The following HEPACAM2 variants were observed in gnomAD, a reference collection of about 807,000 sequenced individuals.
The protein encoded by HEPACAM2 is HEPACAM family member 2, also known as mitotic kinetics regulator.
HEPACAM2 carries 49 observed loss-of-function variants against 49.6 expected under a neutral mutation model. The observed-to-expected ratio is 0.99, with a 90% CI of 0.78 to 1.25. The LOEUF (loss-of-function observed/expected upper bound fraction) is 1.25. Among genes scored for constraint, HEPACAM2 ranks in the 50% most tolerant of loss-of-function variants. The pLI is 0.00. For synonymous variants in HEPACAM2, 197 were observed against 202.9 expected (o/e 0.97, Z 0.25); for missense variants, 525 against 557.2 (o/e 0.94, Z 0.58).
At chr7:93,215,227 A>T (rs767616598) in intron 3 of HEPACAM2, among the ~76,000 whole-genome samples, 174 bp downstream of exon 3, 8 of 152,174 alleles carry the variant, frequency 5.3e-5, no homozygotes, top group Non-Finnish European at 1.2e-4. Context: ...GGATTGTGCT[A>T]GCAGACATAT....
intron 1 of HEPACAM2, among the ~76,000 whole-genome samples, chr7:93,221,350 T>G (rs559253502): frequency 6.6e-6 from 1 of 152,342 alleles, no homozygotes; most frequent in East Asian, 1.9e-4. Flanking sequence ...GATTTCATTC[T>G]ACTAGAAAGG....
intron 4 of HEPACAM2, among the ~76,000 whole-genome samples, chr7:93,202,950 A>T (rs567215840): frequency 5.9e-5 from 9 of 152,198 alleles, no homozygotes; most frequent in African/African-American, 2.2e-4. Context: ...TACTAAAATG[A>T]CCTAATTTGC....
In HEPACAM2 at chr7:93,197,400, AAAATC is replaced by A; in HGVS notation, c.1139-8_1139-4del. ...GCCTTCTAGTTTCTGTTTTATAACT[AAAATC>A]AAGAGAGAAGAAAAATGGTAAGGTT... On this transcript the variant is annotated splice_region_variant and splice_polypyrimidine_tract_variant and intron_variant, in intron 5 of 9. Coordinates refer to ENST00000394468, the MANE Select transcript of HEPACAM2 (RefSeq NM_001039372.4). 2 of 1,596,464 alleles carry A rather than the reference AAAATC, an allele frequency of 1.3e-6. No individual in the cohort carries two copies. The highest frequency in any genetic ancestry group is 4.5e-5 in the East Asian group (2 of 44,468).
At chr7:93,217,211 T>C (rs1253393051) in intron 2 of HEPACAM2, among the ~76,000 whole-genome samples, 1 of 152,162 alleles carries the variant, frequency 6.6e-6, no homozygotes, top group Non-Finnish European at 1.5e-5. Context: ...AATGTACCTG[T>C]GTGTGGAACT....
chr7:93,219,767 A>G (rs1399743182), intron 1 of HEPACAM2, among the ~76,000 whole-genome samples: 2 of 152,232 alleles, frequency 1.3e-5, no homozygotes, highest in Non-Finnish European at 1.5e-5. Flanking sequence ...AGTCCAATGA[A>G]ACCATTAAAA....
chr7:93,191,487 G>A (rs991096768), intron 9 of HEPACAM2, among the ~76,000 whole-genome samples: 4 of 152,152 alleles, frequency 2.6e-5, no homozygotes, highest in Non-Finnish European at 5.9e-5. Flanking sequence ...GTTTCTGTAT[G>A]TGGTTATTGA....
rs1405191418 is a variant in HEPACAM2 at position 93,188,969 on chromosome 7, T to C, written c.*298A>G. 8 of 445,624 alleles carry C rather than the reference T, an allele frequency of 1.8e-5. No individual in the cohort carries two copies. The highest frequency in any genetic ancestry group is 1.0e-4 in the East Asian group (3 of 29,778). The allele number at this position is 445,624 out of a possible 1,614,324, so 27.6% of individuals were successfully genotyped here. A position where few individuals can be genotyped will look rare whatever the true frequency, so the allele number is the denominator to read the frequency against. On this transcript the variant is annotated 3_prime_UTR_variant, in exon 10 of 10. Transcript: ENST00000394468. The stretch of plus-strand genomic sequence containing the variant: ...AATTGAGGTTTGTAGAGATATTTCA[T>C]ACAAAACTTATGAGGAAACCCCTGT...
At chr7:93,202,032 CAAAAA>C (rs71998232) in intron 4 of HEPACAM2, among the ~76,000 whole-genome samples, 4 of 102,006 alleles carry the variant, frequency 3.9e-5, no homozygotes, top group Non-Finnish European at 5.8e-5. Flanking sequence ...AAAAAAAAAC[CAAAAA>C]AAAAAAAAAA....
intron 4 of HEPACAM2, among the ~76,000 whole-genome samples, chr7:93,204,926 C>T (rs1262395039): frequency 3.3e-5 from 5 of 151,962 alleles, no homozygotes; most frequent in African/African-American, 9.7e-5. Context: ...ATGGTGAAAC[C>T]TCATCTCTAC....
intron 2 of HEPACAM2, among the ~76,000 whole-genome samples, chr7:93,216,577 G>A (rs1375953966): frequency 3.3e-5 from 5 of 152,148 alleles, no homozygotes; most frequent in Non-Finnish European, 4.4e-5. Flanking sequence ...ATAAGAATCC[G>A]CAACCATTTC....
At chr7:93,228,124 A>G (rs1794570879), upstream of HEPACAM2, among the ~76,000 whole-genome samples, 1 of 152,160 alleles carries the variant, frequency 6.6e-6, no homozygotes. Context: ...GTGTTTTTCA[A>G]TCTAGTGCTG....
chr7:93,190,594 G>A (rs1793518233), intron 9 of HEPACAM2, among the ~76,000 whole-genome samples: 1 of 152,016 alleles, frequency 6.6e-6, no homozygotes, highest in South Asian at 2.1e-4. Flanking sequence ...CCTTTTGGAG[G>A]ACCATGTCCC....
intron 8 of HEPACAM2, among the ~76,000 whole-genome samples, chr7:93,192,789 C>T (rs1015759165): frequency 6.6e-6 from 1 of 151,944 alleles, no homozygotes; most frequent in African/African-American, 2.4e-5. Context: ...AAGAAAAGAA[C>T]AATATACAGC....
intron 1 of HEPACAM2, among the ~76,000 whole-genome samples, chr7:93,221,664 A>G (rs541665495): frequency 3.9e-5 from 6 of 152,186 alleles, no homozygotes; most frequent in Non-Finnish European, 5.9e-5. Context: ...AAAGAGGAAG[A>G]TAGTTAGTTA....
Position 93,195,898 on chromosome 7 carries a change from TG to T in HEPACAM2, c.1204del (p.His402MetfsTer75). ...TCCGAAGTCATCCAGAGCATCTTCA[TG>T]GCCTGAAATGTAAAACAAATACTGC... ...EYRKAQTFSG[H>X]EDALDDFGIY... is the part of the protein sequence containing the mutation. On this transcript the variant is annotated frameshift_variant and splice_region_variant, in exon 8 of 10. Transcript: ENST00000394468. LOFTEE classifies it high-confidence loss of function. 6.2e-7 allele frequency: 1 copy of T among 1,610,368 alleles called. No individual in the cohort carries two copies. Among genetic ancestry groups the T allele is most frequent in the South Asian group, 1.1e-5 (1 of 90,974 alleles).
intron 4 of HEPACAM2, among the ~76,000 whole-genome samples, chr7:93,202,032 CAAAA>C (rs71998232): frequency 0.017 from 1,761 of 101,968 alleles, 48 homozygotes; most frequent in African/African-American, 0.061. Context: ...AAAAAAAAAC[CAAAA>C]AAAAAAAAAA....
upstream of HEPACAM2, chr7:93,226,486 A>G: frequency 2.0e-6 from 3 of 1,487,088 alleles, no homozygotes; most frequent in Non-Finnish European, 2.8e-6. Flanking sequence ...TTGGACCAGC[A>G]GCTGCTGGTT....
At chr7:93,211,498 A>G (rs1794176637) in intron 3 of HEPACAM2, among the ~76,000 whole-genome samples, 1 of 152,044 alleles carries the variant, frequency 6.6e-6, no homozygotes, top group Admixed American at 6.6e-5. Context: ...AACAGTAAGT[A>G]GTGTAATGGG....
intron 3 of HEPACAM2, among the ~76,000 whole-genome samples, chr7:93,212,508 A>G (rs1446383528): frequency 6.7e-6 from 1 of 150,000 alleles, no homozygotes; most frequent in African/African-American, 2.4e-5. Context: ...TAAGAAATGC[A>G]CGGTTTTTTT....
Sources: gnomAD v4.1 joint callset for allele counts (sites outside exome capture counted in the v4.1 genomes callset) on GRCh38, gnomAD v4.1.1 for gene constraint, MANE v1.5 for transcripts, NCBI Gene and HGNC (gene_info 2026-07-23, HGNC 2026-07-21) for gene names.